The following TFAP2D variants were observed in gnomAD, a reference collection of about 807,000 sequenced individuals.
TFAP2D encodes the protein transcription factor AP-2-delta.
A neutral mutation model predicts 43.6 loss-of-function variants in TFAP2D; 9 were observed. The ratio of observed to expected loss-of-function variants is 0.21; its 90% CI spans 0.12 to 0.36. The LOEUF (loss-of-function observed/expected upper bound fraction) is 0.36, where lower values mean the gene tolerates loss of function less well. Ranked by LOEUF, TFAP2D falls within the 10% of genes least tolerant of loss-of-function variation. TFAP2D has a pLI of 1.00. For missense variants in TFAP2D, 513 were observed against 561.4 expected (o/e 0.91, Z 0.87); for synonymous variants, 256 against 224.9 (o/e 1.14, Z -1.24).
chr6:50,768,226 T>A (rs976762764), intron 7 of TFAP2D, among the ~76,000 whole-genome samples: 70 of 151,966 alleles, frequency 4.6e-4, no homozygotes, highest in African/African-American at 1.7e-3. Context: ...TTTTTTTTTT[T>A]TTTTTCCTGT....
chr6:50,750,604 T>C (rs1003940862), intron 6 of TFAP2D, among the ~76,000 whole-genome samples: 2 of 151,910 alleles, frequency 1.3e-5, no homozygotes, highest in African/African-American at 4.8e-5. Flanking sequence ...AGCAAAGAAA[T>C]GCAGCAGAAA....
intron 1 of TFAP2D, 149 bp from the exon 2 acceptor site, chr6:50,714,967 A>G (rs1351311471): frequency 1.9e-6 from 2 of 1,040,042 alleles, no homozygotes; most frequent in African/African-American, 1.6e-5. Flanking sequence ...GAAGACGCTG[A>G]GACCCGGCTT....
At chr6:50,735,706 C>T (rs1262440542) in intron 5 of TFAP2D, among the ~76,000 whole-genome samples, 2 of 152,174 alleles carry the variant, frequency 1.3e-5, no homozygotes, top group African/African-American at 4.8e-5. Context: ...AATCCTACCA[C>T]TTGGTGGTAT....
Position 50,745,128 on chromosome 6 carries a change from G to A in TFAP2D, c.905G>A (p.Arg302Gln), listed in dbSNP as rs747063996. 1.7e-5 allele frequency: 28 copies of A among 1,613,474 alleles called. No homozygotes were observed. The highest frequency in any genetic ancestry group is 6.7e-5 in the East Asian group (3 of 44,866). ...ACAGGGGAGGCTTTGCACTTGGCTC[G>A]GGATTTTGGCTACACTTGTGAAACA... ...LVEGEALHLA[R>Q]DFGYTCETEF... Residue 302 changes from arginine (R) to glutamine (Q), a missense_variant, in exon 6 of 8, where the codon CGG (arginine) becomes CAG (glutamine). This residue lies in a region of TFAP2D where 199 missense variants were observed against 227.9 expected (regional missense o/e 0.87). Transcript: ENST00000008391.
At position 50,773,032 on chromosome 6, in the gene TFAP2D, C is replaced by G. The variant is rs9367414; in HGVS notation, c.*168C>G. The G allele has an allele frequency of 4.3e-6, 2 of 469,992 alleles. No homozygotes were observed. The highest frequency in any genetic ancestry group is 3.7e-5 in the East Asian group (1 of 26,976). 29.1% of individuals were successfully genotyped at this position (469,992 alleles called of 1,614,324 possible). ...AAAATGAAACAAAAAAGGACAAAAC[C>G]AAAAAAAAAAGAAAAAAAAAGGAAA... On this transcript the variant is annotated 3_prime_UTR_variant, in exon 8 of 8. Coordinates refer to ENST00000008391, the MANE Select transcript of TFAP2D (RefSeq NM_172238.4).
intron 7 of TFAP2D, among the ~76,000 whole-genome samples, chr6:50,771,407 G>A (rs1279155453): frequency 6.6e-6 from 1 of 152,196 alleles, no homozygotes; most frequent in Non-Finnish European, 1.5e-5. Context: ...AAAGAAGCTT[G>A]GAAATGTAGT....
intron 7 of TFAP2D, among the ~76,000 whole-genome samples, chr6:50,771,764 A>G (rs1769532215): frequency 6.6e-6 from 1 of 152,186 alleles, no homozygotes; most frequent in Non-Finnish European, 1.5e-5. Context: ...CAGGATGTGG[A>G]GAAATAGGAA....
intron 7 of TFAP2D, among the ~76,000 whole-genome samples, chr6:50,771,848 T>A (rs1426817459): frequency 6.6e-6 from 1 of 152,110 alleles, no homozygotes; most frequent in Non-Finnish European, 1.5e-5. Context: ...TCCTCAGGGA[T>A]CTAGAACTAG....
chr6:50,745,366 C>A (rs1769111104), intron 6 of TFAP2D, 118 bp downstream of exon 6: 1 of 1,395,694 alleles, frequency 7.2e-7, no homozygotes, highest in Non-Finnish European at 9.8e-7. Context: ...GAAGGTCTCA[C>A]ACACAAGCAG....
intron 5 of TFAP2D, among the ~76,000 whole-genome samples, chr6:50,742,579 TAG>T (rs1435364548): frequency 1.9e-5 from 1 of 52,098 alleles, no homozygotes; most frequent in African/African-American, 5.7e-5. Flanking sequence ...CACACATAGA[TAG>T]ATAGATAGAT....
rs146623236 is a variant in TFAP2D, at chr6:50,762,082, A to G, written c.1140-10563A>G. 2.4e-4 allele frequency among the ~76,000 whole-genome samples: 37 copies of G among 152,138 alleles called. No individual in the cohort carries two copies. In the East Asian group the frequency reaches 7.2e-3, roughly 29 times the overall value. ...TTGTTGCTACCACCTTATTAGTAAA[A>G]CCACACAGGGAAAAAGAAGAAAGGA... On this transcript the variant is annotated intron_variant, in intron 7 of 7. Transcript: ENST00000008391.
intron 3 of TFAP2D, among the ~76,000 whole-genome samples, chr6:50,725,997 T>A (rs1241838649): frequency 6.6e-6 from 1 of 152,186 alleles, no homozygotes; most frequent in Non-Finnish European, 1.5e-5. Context: ...GAATACAAAA[T>A]AAATCCTTCA....
chr6:50,719,262 T>A, intron 3 of TFAP2D, 112 bp downstream of exon 3: 2 of 1,118,048 alleles, frequency 1.8e-6, no homozygotes, highest in South Asian at 1.4e-5. Context: ...AGAAAACAAT[T>A]ATGCTTAGTC....
intron 3 of TFAP2D, among the ~76,000 whole-genome samples, chr6:50,728,267 G>A (rs1348489946): frequency 2.6e-5 from 4 of 152,134 alleles, no homozygotes; most frequent in Admixed American, 2.0e-4. Context: ...TACAATAGAG[G>A]TATTTAACCT....
At chr6:50,734,944 T>C (rs979011520) in intron 5 of TFAP2D, among the ~76,000 whole-genome samples, 6 of 152,084 alleles carry the variant, frequency 3.9e-5, no homozygotes, top group African/African-American at 9.7e-5. Flanking sequence ...AGTACATGTA[T>C]CCTAATGTGT....
At chr6:50,760,035 C>T (rs758917297) in intron 7 of TFAP2D, among the ~76,000 whole-genome samples, 2 of 151,670 alleles carry the variant, frequency 1.3e-5, no homozygotes, top group Non-Finnish European at 2.9e-5. Flanking sequence ...TTAAAGAAAC[C>T]CTAATTATTA....
intron 7 of TFAP2D, 135 bp from the exon 8 acceptor site, chr6:50,772,510 A>G (rs982923712): frequency 5.8e-5 from 45 of 775,986 alleles, no homozygotes; most frequent in Non-Finnish European, 8.8e-5. Flanking sequence ...TGTATCTTCC[A>G]CAATGCTTAG....
intron 7 of TFAP2D, among the ~76,000 whole-genome samples, chr6:50,752,319 G>T (rs1769211705): frequency 6.6e-6 from 1 of 151,852 alleles, no homozygotes. Context: ...GTTAGTTTGT[G>T]CCCCATATGG....
chr6:50,753,329 A>C (rs139931981), intron 7 of TFAP2D, among the ~76,000 whole-genome samples: 1 of 152,114 alleles, frequency 6.6e-6, no homozygotes, highest in East Asian at 1.9e-4. Flanking sequence ...AACAAAATAG[A>C]GCACCAGTCA....
Sources: gnomAD v4.1 joint callset for allele counts (sites outside exome capture counted in the v4.1 genomes callset) on GRCh38, gnomAD v4.1.1 for gene constraint, gnomAD v4.1.1 regional missense constraint, MANE v1.5 for transcripts, NCBI Gene and HGNC (gene_info 2026-07-23, HGNC 2026-07-21) for gene names.